The following AMBRA1 variants were observed in gnomAD, a reference collection of about 807,000 sequenced individuals.
AMBRA1 encodes the protein autophagy and beclin 1 regulator 1.
In AMBRA1, 47 loss-of-function variants were observed where a neutral mutation model predicts 125.4. The observed-to-expected ratio is 0.37, with a 90% CI of 0.30 to 0.48. The LOEUF is 0.48. Ranked by LOEUF, AMBRA1 falls within the 20% of genes least tolerant of loss-of-function variation. AMBRA1 has a pLI of 0.99. For synonymous variants in AMBRA1, 626 were observed against 655.5 expected (o/e 0.95, Z 0.69); for missense variants, 1,331 against 1,693.4 (o/e 0.79, Z 3.76).
chr11:46,459,488 A>C (rs181023118), intron 11 of AMBRA1, among the ~76,000 whole-genome samples: 5 of 152,286 alleles, frequency 3.3e-5, no homozygotes, highest in African/African-American at 7.2e-5. Context: ...ACGCAAGTGG[A>C]TCACCTGAGG....
chr11:46,445,542 C>G (rs2171667), intron 11 of AMBRA1, among the ~76,000 whole-genome samples: 32,643 of 152,050 alleles, frequency 0.21, 4,243 homozygotes, highest in African/African-American at 0.37. Flanking sequence ...GATACCTGAA[C>G]GACTTTATTA....
intron 14 of AMBRA1, among the ~76,000 whole-genome samples, chr11:46,423,582 G>T (rs1406908308): frequency 1.3e-5 from 2 of 151,418 alleles, no homozygotes; most frequent in Non-Finnish European, 2.9e-5. Context: ...TAGTAGAGAC[G>T]GGGTTTCACC....
At chr11:46,584,556 C>G (rs1185765544) in intron 1 of AMBRA1, among the ~76,000 whole-genome samples, 1 of 151,136 alleles carries the variant, frequency 6.6e-6, no homozygotes, top group Non-Finnish European at 1.5e-5. Context: ...ACAAAAAAAA[C>G]AAATGAATGA....
At chr11:46,562,999 T>C (rs552442429) in intron 1 of AMBRA1, among the ~76,000 whole-genome samples, 1 of 152,262 alleles carries the variant, frequency 6.6e-6, no homozygotes, top group African/African-American at 2.4e-5. Flanking sequence ...GGTTTCACCA[T>C]GTTAGCCAAG....
Position 46,397,503 on chromosome 11 carries a change from C to T in AMBRA1, c.3844G>A (p.Gly1282Ser), listed in dbSNP as rs1258477127. 2 of 1,528,310 alleles carry T rather than the reference C, an allele frequency of 1.3e-6. No individual in the cohort carries two copies. The highest frequency in any genetic ancestry group is 2.8e-5 in the African/African-American group (2 of 72,468). 94.7% of individuals were successfully genotyped at this position (1,528,310 alleles called of 1,614,324 possible). The change falls in exon 18 of 18, where the codon GGC becomes AGC. Residue 1282 changes from glycine (G) to serine (S), a missense_variant. By Grantham distance (56) the Gly-to-Ser change is moderately conservative. Coordinates refer to ENST00000683756, the MANE Select transcript of AMBRA1 (RefSeq NM_001387011.1). ...LTNNNHLLDG[G>S]SSRGDAAGPR... is the part of the protein sequence containing the mutation. ...CCTGCAGCGTCCCCCCTGCTGCTGC[C>T]ACCATCCAGAAGGTGGTTGTTATTG...
chr11:46,457,519 A>C (rs1375783501), intron 11 of AMBRA1, among the ~76,000 whole-genome samples: 1 of 152,218 alleles, frequency 6.6e-6, no homozygotes, highest in Non-Finnish European at 1.5e-5. Flanking sequence ...CATCTGGCTG[A>C]CTTGGTTACT....
At chr11:46,440,586 T>G (rs377181876) in intron 12 of AMBRA1, among the ~76,000 whole-genome samples, 1 of 152,230 alleles carries the variant, frequency 6.6e-6, no homozygotes, top group Admixed American at 6.5e-5. Context: ...AACAAAATAA[T>G]TTTAAATAAA....
In AMBRA1 at chr11:46,434,998, T is replaced by C. The variant is rs910923843; in HGVS notation, c.2672A>G (p.Asn891Ser). ...TGCAGAAATGTCACAGCTGGCATCA[T>C]TGTAGATCTTGCAGTTCTGCACCAG... ...NVLVQNCKIY[N>S]DASCDISADG... The change falls in exon 13 of 18, where the codon AAT becomes AGT. Residue 891 changes from asparagine (N) to serine (S), a missense_variant. This residue lies in a region of AMBRA1 where 354 missense variants were observed against 532.7 expected (regional missense o/e 0.66). Coordinates refer to ENST00000683756, the MANE Select transcript of AMBRA1 (RefSeq NM_001387011.1). 5.0e-6 allele frequency: 8 copies of C among 1,613,204 alleles called. No homozygotes were observed. The highest frequency in any genetic ancestry group is 2.7e-5 in the African/African-American group (2 of 74,820).
chr11:46,522,637 T>A (rs945269612), intron 7 of AMBRA1, among the ~76,000 whole-genome samples: 1 of 152,222 alleles, frequency 6.6e-6, no homozygotes, highest in African/African-American at 2.4e-5. Flanking sequence ...ATTCACTGAT[T>A]TCCCCCTGGA....
chr11:46,424,605 G>C (rs2136674077), intron 14 of AMBRA1, among the ~76,000 whole-genome samples: 1 of 152,306 alleles, frequency 6.6e-6, no homozygotes, highest in Admixed American at 6.5e-5. Context: ...CCAGCACTTT[G>C]GGTGGCCGAG....
intron 7 of AMBRA1, among the ~76,000 whole-genome samples, chr11:46,538,537 AGGCTT>A (rs1952588358): frequency 6.6e-6 from 1 of 152,136 alleles, no homozygotes; most frequent in Non-Finnish European, 1.5e-5. Flanking sequence ...TCTGTCGCCC[AGGCTT>A]GAGTGCAGTG....
intron 8 of AMBRA1, among the ~76,000 whole-genome samples, chr11:46,510,759 T>C (rs1951226238): frequency 6.6e-6 from 1 of 152,132 alleles, no homozygotes; most frequent in African/African-American, 2.4e-5. Context: ...AGAGGGAAGC[T>C]AAGGATCTGA....
At chr11:46,468,789 G>C (rs1278268123) in intron 11 of AMBRA1, among the ~76,000 whole-genome samples, 5 of 149,418 alleles carry the variant, frequency 3.3e-5, no homozygotes, top group Non-Finnish European at 7.4e-5. Flanking sequence ...TCCAGCCTGG[G>C]CGGCAACAGA....
intron 1 of AMBRA1, among the ~76,000 whole-genome samples, chr11:46,559,947 T>C (rs934287854): frequency 1.3e-5 from 2 of 152,130 alleles, no homozygotes; most frequent in African/African-American, 4.8e-5. Context: ...CTTTTCAAAG[T>C]AAAACTCAAG....
At chr11:46,515,457 A>G (rs1004267670) in intron 7 of AMBRA1, among the ~76,000 whole-genome samples, 3 of 151,892 alleles carry the variant, frequency 2.0e-5, no homozygotes, top group Non-Finnish European at 4.4e-5. Context: ...TGGGTGACAG[A>G]GTGAGACTGC....
chr11:46,442,301 C>T (rs1027553616), intron 12 of AMBRA1, among the ~76,000 whole-genome samples: 11 of 152,018 alleles, frequency 7.2e-5, no homozygotes, highest in African/African-American at 2.7e-4. Context: ...CACCACCACA[C>T]TCAGCTAATT....
chr11:46,573,911 C>A (rs371687372), intron 1 of AMBRA1, among the ~76,000 whole-genome samples: 1 of 143,138 alleles, frequency 7.0e-6, no homozygotes. Flanking sequence ...TGAGAATATG[C>A]GGTGTTTGGT....
intron 1 of AMBRA1, among the ~76,000 whole-genome samples, chr11:46,566,641 A>C (rs866049052): frequency 1.3e-5 from 2 of 152,132 alleles, no homozygotes; most frequent in Non-Finnish European, 2.9e-5. Flanking sequence ...TTCTCCCTGG[A>C]TCTTCTGGGC....
intron 2 of AMBRA1, 126 bp from the exon 3 acceptor site, chr11:46,548,001 T>C: frequency 8.0e-7 from 1 of 1,247,084 alleles, no homozygotes; most frequent in Non-Finnish European, 1.1e-6. Context: ...CTGGAGACAA[T>C]GATCAAGCTA....
Sources: allele counts gnomAD v4.1 joint callset (sites outside exome capture counted in the v4.1 genomes callset), GRCh38; gene constraint gnomAD v4.1.1; regional missense constraint gnomAD v4.1.1; transcripts MANE v1.5; gene names NCBI Gene and HGNC (gene_info 2026-07-23, HGNC 2026-07-21).